TTN: variants seen among roughly 807,000 people sequenced by gnomAD.
TTN encodes titin, also known as connectin.
TTN carries 1,525 observed loss-of-function variants against 3,223.0 expected under a neutral mutation model. The observed-to-expected ratio is 0.47, with a 90% CI of 0.45 to 0.49. TTN has a LOEUF of 0.49. Ranked by LOEUF, TTN falls within the 20% of genes least tolerant of loss-of-function variation. The probability of loss-of-function intolerance (pLI) is 0.00; values close to 1 mark genes in which losing one functional copy is unlikely to be tolerated. For synonymous variants in TTN, 14,094 were observed against 15,161.0 expected (o/e 0.93, Z 5.17); for missense variants, 40,786 against 43,424.0 (o/e 0.94, Z 5.40).
Position 178,594,358 on chromosome 2 carries a change from C to A in TTN, c.58136G>T (p.Cys19379Phe). 6.3e-7 allele frequency: 1 copy of A among 1,593,028 alleles called. No individual in the cohort carries two copies. Among genetic ancestry groups the A allele is most frequent in the Non-Finnish European group, 8.5e-7 (1 of 1,170,418 alleles). ...TAGACACATACCCAGCTCATCCTTG[C>A]AAGTAATTGGTTTGGTGCAAAATGA... is the stretch of plus-strand genomic sequence containing the variant. ...KPSFCTKPIT[C>F]KDELAPPTLH... is the part of the protein sequence containing the mutation. Residue 19379 changes from cysteine (C) to phenylalanine (F), a missense_variant, in exon 296 of 363, where the codon TGC becomes TTC. Coordinates refer to ENST00000589042, the MANE Select transcript of TTN (RefSeq NM_001267550.2).
Position 178,724,006 on chromosome 2 carries a change from C to A in TTN, c.21253G>T (p.Val7085Phe), listed in dbSNP as rs1477979232. The A allele has an allele frequency of 6.2e-7, 1 of 1,613,564 alleles. No homozygotes were observed. The highest frequency in any genetic ancestry group is 2.2e-5 in the East Asian group (1 of 44,836). The change falls in exon 73 of 363, where the codon GTC becomes TTC. Residue 7085 changes from valine to phenylalanine, a missense_variant. By Grantham distance (50) the Val-to-Phe change is conservative. Transcript: ENST00000589042. ...GTGGTTTGGTACTTTGCTCCACTGA[C>A]AATCTTGGTTTTCTCATGAAACCAG... ...VAWFHEKTKI[V>F]SGAKYQTTFS...
At chr2:178,690,732 G>C (rs776652572) in intron 121 of TTN, among the ~76,000 whole-genome samples, 1 of 152,098 alleles carries the variant, frequency 6.6e-6, no homozygotes, top group East Asian at 1.9e-4. Context: ...ATATTTTGGT[G>C]CAATTATATA....
intron 113 of TTN, among the ~76,000 whole-genome samples, chr2:178,696,523 C>T (rs1046074659): frequency 6.6e-6 from 1 of 151,674 alleles, no homozygotes; most frequent in Admixed American, 6.6e-5. Context: ...CAAATGGACA[C>T]ACCTTCTATT....
Position 178,570,446 on chromosome 2 carries a change from G to A in TTN, c.75686C>T (p.Pro25229Leu). The change falls in exon 326 of 363, where the codon CCA (proline) becomes CTA (leucine). Residue 25229 changes from proline (P) to leucine (L), a missense_variant. Transcript: ENST00000589042. ...AEKCTLAWKP[P>L]LQDGGSDIIN... ...GATGTCACTCCCACCATCCTGAAGT[G>A]GGGGTTTCCAAGCTAGTGTGCATTT... 6.2e-7 allele frequency: 1 copy of A among 1,613,204 alleles called. No individual in the cohort carries two copies. Among genetic ancestry groups the A allele is most frequent in the Non-Finnish European group, 8.5e-7 (1 of 1,179,578 alleles).
intron 29 of TTN, 139 bp from the exon 30 acceptor site, chr2:178,774,612 TGA>T: frequency 2.5e-6 from 2 of 784,804 alleles, no homozygotes; most frequent in Non-Finnish European, 3.9e-6. Flanking sequence ...GCTGATGGGC[TGA>T]GAGATAAATT....
In TTN at chr2:178,546,776, A is replaced by T. The variant is rs369870689; in HGVS notation, c.94652T>A (p.Val31551Glu). 1.3e-5 allele frequency: 21 copies of T among 1,613,680 alleles called. No individual in the cohort carries two copies. In the South Asian group the frequency reaches 2.1e-4, roughly 16 times the overall value. Residue 31551 changes from valine (V) to glutamate (E), a missense_variant, in exon 341 of 363, where the codon GTA becomes GAA. Coordinates refer to ENST00000589042, the MANE Select transcript of TTN (RefSeq NM_001267550.2). Reference protein sequence around the residue: ...YIIERKPVSEVGDGRWLKCNY... With the variant: ...YIIERKPVSEEGDGRWLKCNY... ...GCACTTCAGCCAGCGACCATCTCCTACCTCACTGACTGGCTTACGCTCTAT... is the reference window on the plus strand; with the variant it reads ...GCACTTCAGCCAGCGACCATCTCCTTCCTCACTGACTGGCTTACGCTCTAT...
At chr2:178,781,092 A>G (rs1272606041) in intron 21 of TTN, 29 bp downstream of exon 21, 4 of 1,613,644 alleles carry the variant, frequency 2.5e-6, no homozygotes, top group Non-Finnish European at 3.4e-6. Context: ...AGTTCTTATC[A>G]TGCACATAGA....
chr2:178,537,789 C>T lies in TTN; in HGVS notation c.99418G>A (p.Glu33140Lys). The change falls in exon 355 of 363, where the codon GAG (glutamate) becomes AAG (lysine). Residue 33140 changes from glutamate to lysine, a missense_variant. By Grantham distance (56) the Glu-to-Lys change is moderately conservative. Transcript: ENST00000589042. ...PDIKWYRFGK[E>K]LIQSRKYKMS... ...TTGTATTTCCGGCTTTGTATGAGCT[C>T]TTTACCAAATCTGTACCATTTAATG... 6.2e-7 allele frequency: 1 copy of T among 1,613,724 alleles called. No individual in the cohort carries two copies. Among genetic ancestry groups the T allele is most frequent in the South Asian group, 1.1e-5 (1 of 91,070 alleles).
At position 178,591,507 on chromosome 2, in the gene TTN, GA is replaced by G. The variant is rs1299580089; in HGVS notation, c.60221-4del. Reference sequence around the variant, plus strand: ...ATCTAGCTCCACGGATGGAGGCACTGAAAAGTAAACATGAAAAAATTAGATT... The same window carrying G: ...ATCTAGCTCCACGGATGGAGGCACTGAAAGTAAACATGAAAAAATTAGATT... On this transcript the variant is annotated splice_region_variant and splice_polypyrimidine_tract_variant and intron_variant, in intron 303 of 362. Coordinates refer to ENST00000589042, the MANE Select transcript of TTN (RefSeq NM_001267550.2). 6 of 1,584,230 alleles carry G rather than the reference GA, an allele frequency of 3.8e-6. No homozygotes were observed. The highest frequency in any genetic ancestry group is 5.1e-6 in the Non-Finnish European group (6 of 1,171,506).
Position 178,546,203 on chromosome 2 carries a change from C to G in TTN, c.95119+9G>C, listed in dbSNP as rs756525933. The stretch of plus-strand genomic sequence containing the variant: ...GCTATATAAATGTGAGAACATTTGA[C>G]ATGCTTACCAAGCACTTTGACCATG... On this transcript the variant is annotated intron_variant, in intron 342 of 362. Transcript: ENST00000589042. 1 of 1,601,934 alleles carries G rather than the reference C, an allele frequency of 6.2e-7. No homozygotes were observed. The highest frequency in any genetic ancestry group is 8.5e-7 in the Non-Finnish European group (1 of 1,172,768).
At chr2:178,645,001 G>A (rs1371755967) in intron 217 of TTN, 1 of 188,724 alleles carries the variant, frequency 5.3e-6, no homozygotes, top group African/African-American at 2.4e-5. Context: ...TATGAGGGTT[G>A]TAGAGGGCAA....
Position 178,621,760 on chromosome 2 carries a change from CAAA to C in TTN, c.45083-22_45083-20del. ...TCTTCTTCTGCAAGCATTGAAAAAA[CAAA>C]AACCACATTGAGTTAAGCTGGAAAT... On this transcript the variant is annotated intron_variant, in intron 244 of 362. Coordinates refer to ENST00000589042, the MANE Select transcript of TTN (RefSeq NM_001267550.2). 6.2e-7 allele frequency: 1 copy of C among 1,608,050 alleles called. No individual in the cohort carries two copies. Among genetic ancestry groups the C allele is most frequent in the Non-Finnish European group, 8.5e-7 (1 of 1,177,798 alleles).
rs776970935 is a variant in TTN at position 178,630,923 on chromosome 2, G to A, written c.44035C>T (p.Arg14679Ter). 6 of 1,611,352 alleles carry A rather than the reference G, an allele frequency of 3.7e-6. No homozygotes were observed. The highest frequency in any genetic ancestry group is 1.7e-5 in the Admixed American group (1 of 59,518). ...DIEDREIKLV[R>*]PLHSVEVMET... The stretch of plus-strand genomic sequence containing the variant: ...ATCACCTCCACACTGTGCAGGGGTC[G>A]CACCAGTTTAATTTCCCGATCTAGA... The change falls in exon 238 of 363, where the codon CGA becomes TGA. Residue 14679 changes from arginine (R) to a stop codon, truncating the protein, a stop_gained. Coordinates refer to ENST00000589042, the MANE Select transcript of TTN (RefSeq NM_001267550.2). LOFTEE classifies it high-confidence loss of function.
At chr2:178,664,269 T>G (rs1374256621) in intron 168 of TTN, among the ~76,000 whole-genome samples, 171 bp from the exon 169 acceptor site, 1 of 152,122 alleles carries the variant, frequency 6.6e-6, no homozygotes, top group African/African-American at 2.4e-5. Flanking sequence ...TTCCGGTATT[T>G]TCTTTTTGGT....
In TTN at chr2:178,731,580, G is replaced by T; in HGVS notation, c.17186C>A (p.Pro5729His). 2 of 1,591,338 alleles carry T rather than the reference G, an allele frequency of 1.3e-6. No individual in the cohort carries two copies. Among genetic ancestry groups the T allele is most frequent in the South Asian group, 1.1e-5 (1 of 87,754 alleles). ...ICSARVTLREPPSFIKKIEST... is the reference protein window; with the variant it reads ...ICSARVTLREHPSFIKKIEST... The stretch of plus-strand genomic sequence containing the variant: ...CTCGATCTTCTTTATGAAGGATGGG[G>T]GTTCTAACAGAAGAATGAATTCTCA... Residue 5729 changes from proline to histidine, a missense_variant, in exon 59 of 363, where the codon CCC becomes CAC. Coordinates refer to ENST00000589042, the MANE Select transcript of TTN (RefSeq NM_001267550.2).
In TTN at chr2:178,767,946, G is replaced by A. The variant is rs746652186; in HGVS notation, c.9306-22C>T. 1.7e-5 allele frequency: 27 copies of A among 1,613,870 alleles called. No homozygotes were observed. The African/African-American group carries it at 2.0e-4, about 12-fold the overall frequency. ...TATTCTATGGATGAAATGGAAATTC[G>A]AGTTTACCGTATGGTGATTCAGAGG... On this transcript the variant is annotated intron_variant, in intron 39 of 362. Coordinates refer to ENST00000589042, the MANE Select transcript of TTN (RefSeq NM_001267550.2).
chr2:178,747,899 A>G, intron 47 of TTN: 1 of 1,613,156 alleles, frequency 6.2e-7, no homozygotes, highest in Non-Finnish European at 8.5e-7. Context: ...AGTCATCAAG[A>G]GTGGGAAGCA....
At chr2:178,553,837 A>G (rs755515136) in intron 333 of TTN, 30 bp from the exon 334 acceptor site, 1 of 1,565,742 alleles carries the variant, frequency 6.4e-7, no homozygotes. Context: ...TAAAATAATT[A>G]CACAATCATG....
Position 178,669,396 on chromosome 2 carries a change from A to G in TTN, c.35522T>C (p.Ile11841Thr), listed in dbSNP as rs1452132444. The G allele has an allele frequency of 6.6e-7, 1 of 1,520,670 alleles. No individual in the cohort carries two copies. The allele number at this position is 1,520,670 out of a possible 1,614,324, so 94.2% of individuals were successfully genotyped here. Residue 11841 changes from isoleucine (I) to threonine (T), a missense_variant, in exon 159 of 363, where the codon ATT becomes ACT. Ile to Thr is a moderately conservative substitution (Grantham distance 89, BLOSUM62 -1). Coordinates refer to ENST00000589042, the MANE Select transcript of TTN (RefSeq NM_001267550.2). Reference sequence around the variant, plus strand: ...ACTGTACATCTCTGTGTCTTCAGAAATAACAATAGGTGATTTTTCTTCTTG... The same window carrying G: ...ACTGTACATCTCTGTGTCTTCAGAAGTAACAATAGGTGATTTTTCTTCTTG... ...SVQEEKSPIV[I>T]SEDTEMYIYE...
Sources: gnomAD v4.1 joint callset for allele counts (sites outside exome capture counted in the v4.1 genomes callset) on GRCh38, gnomAD v4.1.1 for gene constraint, MANE v1.5 for transcripts, NCBI Gene and HGNC (gene_info 2026-07-23, HGNC 2026-07-21) for gene names.